Variants in FYB1 observed in about 807,000 individuals in gnomAD.
FYB1 encodes FYN-binding protein 1.
FYB1 carries 41 observed loss-of-function variants against 94.1 expected under a neutral mutation model. The ratio of observed to expected loss-of-function variants is 0.44; its 90% confidence interval spans 0.34 to 0.57. The LOEUF is 0.57. FYB1 is among the 20% of genes least tolerant of loss of function. The pLI is 0.02. For synonymous variants in FYB1, 367 were observed against 353.2 expected (o/e 1.04, Z -0.44); for missense variants, 1,050 against 976.8 (o/e 1.07, Z -1.00).
At chr5:39,169,818 T>C in intron 2 of FYB1, 1 of 515,738 alleles carries the variant, frequency 1.9e-6, no homozygotes, top group South Asian at 1.7e-5. Flanking sequence ...CTTCAGTGGT[T>C]TTGATGGTGG....
At chr5:39,175,052 G>A (rs982551310) in intron 2 of FYB1, among the ~76,000 whole-genome samples, 3 of 152,118 alleles carry the variant, frequency 2.0e-5, no homozygotes, top group African/African-American at 7.2e-5. Flanking sequence ...TTTGTGGTGG[G>A]ATGATTATTT....
At chr5:39,243,268 T>C (rs28871956) in intron 1 of FYB1, among the ~76,000 whole-genome samples, 7 of 152,154 alleles carry the variant, frequency 4.6e-5, no homozygotes, top group African/African-American at 1.7e-4. Context: ...GTTTTTATGG[T>C]TTTAGGTCTA....
At chr5:39,240,194 A>G (rs943695051) in intron 1 of FYB1, among the ~76,000 whole-genome samples, 1 of 152,212 alleles carries the variant, frequency 6.6e-6, no homozygotes, top group Admixed American at 6.5e-5. Context: ...AAAAACTTAA[A>G]TGTAAAACCT....
intron 1 of FYB1, among the ~76,000 whole-genome samples, chr5:39,235,686 G>C (rs1750929616): frequency 6.6e-6 from 1 of 151,866 alleles, no homozygotes; most frequent in Non-Finnish European, 1.5e-5. Context: ...TTGGTGCTAG[G>C]TGTTGTACTG....
intron 2 of FYB1, among the ~76,000 whole-genome samples, chr5:39,184,241 AT>A (rs1168659979): frequency 6.6e-6 from 1 of 152,230 alleles, no homozygotes; most frequent in Non-Finnish European, 1.5e-5. Flanking sequence ...CAACCAACTG[AT>A]CAATGAAATC....
At chr5:39,212,733 G>A (rs566773277) in intron 1 of FYB1, 12 of 152,164 alleles carry the variant, frequency 7.9e-5, no homozygotes, top group Non-Finnish European at 1.6e-4. Context: ...TTAAAATTGT[G>A]ATGTTTTCAA....
intron 1 of FYB1, among the ~76,000 whole-genome samples, chr5:39,229,615 C>T (rs1187240787): frequency 1.3e-5 from 2 of 152,106 alleles, no homozygotes; most frequent in Non-Finnish European, 2.9e-5. Flanking sequence ...TTAATAGCTA[C>T]CTTTATTGTG....
upstream of FYB1, among the ~76,000 whole-genome samples, chr5:39,220,463 A>G (rs1478163048): frequency 2.0e-5 from 3 of 151,638 alleles, no homozygotes; most frequent in Non-Finnish European, 2.9e-5. Context: ...AAGAGAAGGA[A>G]AGAAAGAAAG....
In FYB1 at chr5:39,111,278, T is replaced by C. The variant is rs1433520858; in HGVS notation, c.2402-889A>G. Among the ~76,000 whole-genome samples the C allele has an allele frequency of 2.0e-5, 3 of 152,020 alleles. No homozygotes were observed. In the East Asian group the frequency reaches 5.8e-4, roughly 29 times the overall value. ...TGTTGTATGCTTGAGATTAGTACCATTTATTGCTTCCTCAATACAATCTCT... is the reference window on the plus strand; with the variant it reads ...TGTTGTATGCTTGAGATTAGTACCACTTATTGCTTCCTCAATACAATCTCT... On this transcript the variant is annotated intron_variant, in intron 16 of 18. Coordinates refer to ENST00000512982, the MANE Select transcript of FYB1 (RefSeq NM_001465.6).
chr5:39,186,393 C>T (rs868135979), intron 2 of FYB1, among the ~76,000 whole-genome samples: 1 of 152,210 alleles, frequency 6.6e-6, no homozygotes, highest in African/African-American at 2.4e-5. Context: ...CGCTGCACTC[C>T]AGCCTGGCGA....
chr5:39,218,266 T>C (rs1243421000), intron 1 of FYB1, among the ~76,000 whole-genome samples: 1 of 152,248 alleles, frequency 6.6e-6, no homozygotes. Context: ...GGATCGCCTT[T>C]AATGGTACAT....
chr5:39,196,041 C>A (rs1248197099), intron 2 of FYB1, among the ~76,000 whole-genome samples: 1 of 152,038 alleles, frequency 6.6e-6, no homozygotes, highest in Non-Finnish European at 1.5e-5. Flanking sequence ...GCAAGATAGA[C>A]CCTCTCTTAT....
chr5:39,122,862 C>T (rs1241761014), intron 13 of FYB1, among the ~76,000 whole-genome samples: 1 of 152,072 alleles, frequency 6.6e-6, no homozygotes, highest in Admixed American at 6.6e-5. Context: ...CTTTCCTTCG[C>T]CTCATTGATC....
intron 3 of FYB1, among the ~76,000 whole-genome samples, chr5:39,148,906 CATTGATTCTGTTTCAAT>C (rs1743007921): frequency 6.6e-6 from 1 of 151,984 alleles, no homozygotes; most frequent in South Asian, 2.1e-4. Context: ...AAAACACAAC[CATTGATTCTGTTTCAAT>C]ATGAAAAATT....
At chr5:39,220,692 G>C (rs536763096), upstream of FYB1, among the ~76,000 whole-genome samples, 1 of 152,206 alleles carries the variant, frequency 6.6e-6, no homozygotes, top group African/African-American at 2.4e-5. Context: ...GAGAAGACAA[G>C]GATTTTCCAC....
At chr5:39,266,460 T>C (rs665241) in intron 1 of FYB1, among the ~76,000 whole-genome samples, 55,413 of 152,106 alleles carry the variant, frequency 0.36, 11,411 homozygotes, top group East Asian at 0.56. Flanking sequence ...GTATCTATCT[T>C]CATAAAACAC....
At chr5:39,234,047 T>C (rs1188528385) in intron 1 of FYB1, among the ~76,000 whole-genome samples, 2 of 152,116 alleles carry the variant, frequency 1.3e-5, no homozygotes, top group Non-Finnish European at 2.9e-5. Context: ...TGGCTAACTC[T>C]TTAAGTAAAC....
chr5:39,178,927 G>A (rs1248613709), intron 2 of FYB1, among the ~76,000 whole-genome samples: 1 of 152,160 alleles, frequency 6.6e-6, no homozygotes, highest in African/African-American at 2.4e-5. Context: ...AACTGGCTGA[G>A]TTTGAAAATC....
At position 39,126,116 on chromosome 5, in the gene FYB1, C is replaced by G. The variant is rs754677315; in HGVS notation, c.1927G>C (p.Glu643Gln). 1 of 1,613,436 alleles carries G rather than the reference C, an allele frequency of 6.2e-7. No individual in the cohort carries two copies. The highest frequency in any genetic ancestry group is 2.2e-5 in the East Asian group (1 of 44,848). ...CCCCAGGACCACGTATTACTCTTCT[C>G]TTGAACCTGTAGTGTGGAGCTTTGG... is the stretch of plus-strand genomic sequence containing the variant. ...ADDGSTLQVQ[E>Q]KSNTWSWGIL... Residue 643 changes from glutamate to glutamine, a missense_variant, in exon 12 of 19, where the codon GAG becomes CAG. By Grantham distance (29) the Glu-to-Gln change is conservative. Coordinates refer to ENST00000512982, the MANE Select transcript of FYB1 (RefSeq NM_001465.6).
Sources: allele counts gnomAD v4.1 joint callset (sites outside exome capture counted in the v4.1 genomes callset), GRCh38; gene constraint gnomAD v4.1.1; transcripts MANE v1.5; gene names NCBI Gene and HGNC (gene_info 2026-07-23, HGNC 2026-07-21).